CELF2: variants seen among roughly 807,000 people sequenced by gnomAD.
CELF2 encodes the protein CUG triplet repeat RNA-binding protein 2.
A neutral mutation model predicts 62.6 loss-of-function variants in CELF2; 8 were observed. The ratio of observed to expected loss-of-function variants is 0.13; its 90% CI spans 0.07 to 0.23. CELF2 has a LOEUF of 0.23. Among genes scored for constraint, CELF2 ranks in the 10% least tolerant of loss-of-function variants. The pLI, the probability that CELF2 is intolerant of heterozygous loss-of-function variation, is 1.00. For synonymous variants in CELF2, 258 were observed against 250.0 expected (o/e 1.03, Z -0.30); for missense variants, 333 against 671.0 (o/e 0.50, Z 5.56).
intron 1 of CELF2, among the ~76,000 whole-genome samples, chr10:11,047,732 A>G (rs1159825673): frequency 6.6e-6 from 1 of 152,196 alleles, no homozygotes; most frequent in Admixed American, 6.5e-5. Flanking sequence ...TTCTCTCACT[A>G]CTGAAGACCT....
Position 11,178,175 on chromosome 10 carries a change from C to G in CELF2, c.271+12493C>G, listed in dbSNP as rs1041785168. Reference sequence around the variant, plus strand: ...TCGGCGCAAAGAGGAAATGCGCGTTCTGTGCCCAGTCCTCGCTCCCCTTTG... The same window carrying G: ...TCGGCGCAAAGAGGAAATGCGCGTTGTGTGCCCAGTCCTCGCTCCCCTTTG... On this transcript the variant is annotated intron_variant, in intron 2 of 12. Transcript: ENST00000633077. This position sits in a 1 kb window ranked among gnomAD's most constrained non-coding sequence, Gnocchi z 4.3. 1.3e-5 allele frequency among the ~76,000 whole-genome samples: 2 copies of G among 152,252 alleles called. No individual in the cohort carries two copies. Among genetic ancestry groups the G allele is most frequent in the African/African-American group, 4.8e-5 (2 of 41,460 alleles).
chr10:11,121,247 C>G (rs1444593591), intron 1 of CELF2, among the ~76,000 whole-genome samples: 1 of 152,058 alleles, frequency 6.6e-6, no homozygotes, highest in Non-Finnish European at 1.5e-5. Flanking sequence ...ATTTTAAGAC[C>G]TATCTTAGTG....
At chr10:10,723,457 T>G in the CELF2 span, among the ~76,000 whole-genome samples, 2 of 152,246 alleles carry the variant, frequency 1.3e-5, no homozygotes, top group Non-Finnish European at 2.9e-5. Flanking sequence ...TTTGCAAATG[T>G]ATCTTCAATT....
the CELF2 span, chr10:10,776,786 T>G: frequency 6.5e-6 from 1 of 153,334 alleles, no homozygotes; most frequent in Non-Finnish European, 1.5e-5. Flanking sequence ...GGGAGGAGTT[T>G]CAAGCAGGGG....
chr10:11,195,066 C>G (rs113196768), intron 2 of CELF2, among the ~76,000 whole-genome samples: 1 of 152,192 alleles, frequency 6.6e-6, no homozygotes, highest in Non-Finnish European at 1.5e-5. Context: ...TGAGAAGGAG[C>G]TTCTGAATGC....
chr10:11,169,668 G>T (rs673338), intron 2 of CELF2, among the ~76,000 whole-genome samples: 3 of 152,126 alleles, frequency 2.0e-5, no homozygotes, highest in African/African-American at 7.2e-5. Context: ...TTAGACTCTC[G>T]AGACTCTAGG....
At chr10:11,007,807 G>C (rs116695050) in intron 1 of CELF2, among the ~76,000 whole-genome samples, 5 of 152,090 alleles carry the variant, frequency 3.3e-5, no homozygotes, top group Non-Finnish European at 7.4e-5. Context: ...CTAGCTGCTT[G>C]TCCGTGGCCC....
intron 2 of CELF2, among the ~76,000 whole-genome samples, chr10:10,974,763 C>T (rs934967011): frequency 1.3e-5 from 2 of 152,186 alleles, no homozygotes; most frequent in Non-Finnish European, 2.9e-5. Context: ...TAAGTATATA[C>T]CATCTTAGAC....
the CELF2 span, among the ~76,000 whole-genome samples, chr10:10,552,972 G>C: frequency 6.6e-6 from 1 of 152,162 alleles, no homozygotes; most frequent in Non-Finnish European, 1.5e-5. Flanking sequence ...TCTCAGCAAG[G>C]GGGCATGGGG....
chr10:10,524,089 A>C, the CELF2 span, among the ~76,000 whole-genome samples: 1 of 152,186 alleles, frequency 6.6e-6, no homozygotes, highest in African/African-American at 2.4e-5. Flanking sequence ...GCCCCCACTT[A>C]GTAGGAAAGA....
Position 10,973,416 on chromosome 10 carries a change from T to C in CELF2, c.89+53417T>C, listed in dbSNP as rs185105048. 3.8e-3 allele frequency among the ~76,000 whole-genome samples: 572 copies of C among 152,230 alleles called. 6 individuals are homozygous for C. Among genetic ancestry groups the C allele is most frequent in the African/African-American group, 0.013 (546 of 41,518 alleles). ...CAAGATTTCACTAAGTGTAAGAGCTTTGTGGCATTTTTAGAGTGTTATACC... is the reference window on the plus strand; with the variant it reads ...CAAGATTTCACTAAGTGTAAGAGCTCTGTGGCATTTTTAGAGTGTTATACC... On this transcript the variant is annotated intron_variant, in intron 2 of 13. Transcript: ENST00000636488.
intron 1 of CELF2, among the ~76,000 whole-genome samples, chr10:11,139,419 T>G (rs1434427889): frequency 6.6e-6 from 1 of 152,226 alleles, no homozygotes; most frequent in Non-Finnish European, 1.5e-5. Context: ...TCAGGATTAT[T>G]TTTGAACCCT....
chr10:11,182,828 T>G (rs1197437905), intron 2 of CELF2, among the ~76,000 whole-genome samples: 1 of 152,194 alleles, frequency 6.6e-6, no homozygotes, highest in Admixed American at 6.5e-5. Flanking sequence ...CTCGGCATTA[T>G]TCCTGACTGC....
intron 10 of CELF2, chr10:11,320,959 C>T: frequency 6.6e-7 from 1 of 1,526,296 alleles, no homozygotes. Flanking sequence ...TGCCACAGTG[C>T]ATTTGAATCA....
the CELF2 span, among the ~76,000 whole-genome samples, chr10:10,595,363 G>A: frequency 1.3e-5 from 2 of 152,086 alleles, no homozygotes; most frequent in Admixed American, 6.6e-5. Context: ...ACCAGGTCAG[G>A]GCAAGGATAT....
At chr10:10,810,628 T>C (rs1471692456) in intron 1 of CELF2, among the ~76,000 whole-genome samples, 2 of 151,922 alleles carry the variant, frequency 1.3e-5, no homozygotes, top group African/African-American at 4.8e-5. Context: ...TATCAAAGAA[T>C]GCAGGGGAGT....
chr10:10,709,826 G>A, the CELF2 span, among the ~76,000 whole-genome samples: 1 of 152,166 alleles, frequency 6.6e-6, no homozygotes, highest in Admixed American at 6.5e-5. Flanking sequence ...ATTTCCCTCA[G>A]CTGGCATCAA....
intron 1 of CELF2, among the ~76,000 whole-genome samples, chr10:11,094,705 G>A (rs1022783774): frequency 6.6e-5 from 10 of 152,332 alleles, no homozygotes; most frequent in Admixed American, 6.5e-4. Context: ...TGCCCATCAT[G>A]TGTCCATCCA....
chr10:11,103,128 A>G (rs754381779), intron 1 of CELF2, among the ~76,000 whole-genome samples: 5 of 151,698 alleles, frequency 3.3e-5, no homozygotes, highest in African/African-American at 9.7e-5. Flanking sequence ...CCCTTTTCCA[A>G]CCTCTTGTTG....
Sources: gnomAD v4.1 joint callset for allele counts (sites outside exome capture counted in the v4.1 genomes callset) on GRCh38, gnomAD v4.1.1 for gene constraint, Gnocchi (gnomAD v3.1) non-coding constraint, MANE v1.5 for transcripts, NCBI Gene and HGNC (gene_info 2026-07-23, HGNC 2026-07-21) for gene names.